The following SLC25A26 variants were observed in gnomAD, a reference collection of about 807,000 sequenced individuals.
SLC25A26 encodes the protein mitochondrial S-adenosylmethionine carrier protein.
Under a neutral mutation model 37.8 loss-of-function variants are expected in SLC25A26, and 36 were observed. That is an observed-to-expected ratio of 0.95 (90% CI 0.73 to 1.26). The LOEUF (loss-of-function observed/expected upper bound fraction) is 1.26, where lower values mean the gene tolerates loss of function less well. Among genes scored for constraint, SLC25A26 ranks in the 50% most tolerant of loss-of-function variants. The pLI is 0.00. For synonymous variants in SLC25A26, 129 were observed against 122.5 expected, an observed-to-expected ratio of 1.05 and a Z score of -0.35; for missense variants, 390 against 331.1, an observed-to-expected ratio of 1.18 and a Z score of -1.38.
chr3:66,146,339 C>CAA (rs749935106), intron 1 of SLC25A26, among the ~76,000 whole-genome samples: 2 of 111,078 alleles, frequency 1.8e-5, no homozygotes, highest in African/African-American at 3.3e-5. Context: ...GATTCAGTCT[C>CAA]AAAAAAAAAA....
At position 66,358,246 on chromosome 3, in the gene SLC25A26, C is replaced by T. The variant is rs777885471; in HGVS notation, c.499-4614C>T. Among the ~76,000 whole-genome samples the T allele has an allele frequency of 9.9e-5, 15 of 152,198 alleles. No homozygotes were observed. In the East Asian group the frequency reaches 1.4e-3, roughly 14 times the overall value. On this transcript the variant is annotated intron_variant, in intron 6 of 9. Coordinates refer to ENST00000354883, the MANE Select transcript of SLC25A26 (RefSeq NM_001379210.1). ...ATTTCCATAATTTATGTATTTTTTA[C>T]GAGTCACTTTCTGATTATTGTTGTT...
At chr3:66,248,034 TGATA>T (rs2072926552) in intron 3 of SLC25A26, among the ~76,000 whole-genome samples, 1 of 152,238 alleles carries the variant, frequency 6.6e-6, no homozygotes, top group Non-Finnish European at 1.5e-5. Context: ...ACATTTGCTT[TGATA>T]GATTATTATG....
chr3:66,189,857 G>T (rs2070903317), intron 1 of SLC25A26, among the ~76,000 whole-genome samples: 1 of 151,908 alleles, frequency 6.6e-6, no homozygotes, highest in Admixed American at 6.6e-5. Flanking sequence ...TAGAGACAAG[G>T]TCTTACCATG....
chr3:66,246,500 T>A (rs926477977), intron 3 of SLC25A26, among the ~76,000 whole-genome samples: 4 of 152,332 alleles, frequency 2.6e-5, no homozygotes, highest in Admixed American at 6.5e-5. Context: ...CTAATATTTT[T>A]AAAAAATTGG....
At chr3:66,210,403 G>A (rs1242849144) in intron 1 of SLC25A26, among the ~76,000 whole-genome samples, 1 of 152,090 alleles carries the variant, frequency 6.6e-6, no homozygotes, top group Admixed American at 6.6e-5. Flanking sequence ...GGAAAAGACA[G>A]TCTCCCTTAG....
intron 1 of SLC25A26, among the ~76,000 whole-genome samples, chr3:66,200,539 T>C (rs2071096000): frequency 6.6e-6 from 1 of 152,348 alleles, no homozygotes; most frequent in Admixed American, 6.5e-5. Context: ...TTACTGCTTA[T>C]TGTGGTTGCT....
intron 3 of SLC25A26, among the ~76,000 whole-genome samples, chr3:66,258,937 C>T (rs937976785): frequency 1.3e-5 from 2 of 151,134 alleles, no homozygotes; most frequent in African/African-American, 2.4e-5. Context: ...TACAGAACAT[C>T]TCAGTTGTAC....
intron 1 of SLC25A26, among the ~76,000 whole-genome samples, chr3:66,194,164 G>C (rs1423873333): frequency 6.6e-6 from 1 of 152,176 alleles, no homozygotes; most frequent in Non-Finnish European, 1.5e-5. Flanking sequence ...AGGAATCAAA[G>C]CCTCTATGCC....
chr3:66,173,126 G>A (rs1005833069), intron 1 of SLC25A26, among the ~76,000 whole-genome samples: 7 of 152,132 alleles, frequency 4.6e-5, no homozygotes, highest in African/African-American at 1.7e-4. Flanking sequence ...AAGCTACCAG[G>A]AGCTCCATAA....
intron 5 of SLC25A26, among the ~76,000 whole-genome samples, chr3:66,292,429 C>G (rs2074744738): frequency 6.6e-6 from 1 of 152,148 alleles, no homozygotes; most frequent in South Asian, 2.1e-4. Context: ...TTTGCAGTGG[C>G]TGGTACCAGT....
intron 1 of SLC25A26, among the ~76,000 whole-genome samples, chr3:66,194,958 C>G (rs1450355018): frequency 6.6e-6 from 1 of 152,174 alleles, no homozygotes; most frequent in Non-Finnish European, 1.5e-5. Context: ...GGGTCCCCAC[C>G]CAGCCACTCA....
At chr3:66,177,846 A>G (rs945832023) in intron 1 of SLC25A26, among the ~76,000 whole-genome samples, 3 of 152,178 alleles carry the variant, frequency 2.0e-5, no homozygotes, top group Non-Finnish European at 4.4e-5. Context: ...TTGAACTGTA[A>G]TCTGGTATAG....
intron 1 of SLC25A26, among the ~76,000 whole-genome samples, chr3:66,176,353 C>A (rs903547137): frequency 1.3e-5 from 2 of 152,124 alleles, no homozygotes; most frequent in African/African-American, 4.8e-5. Flanking sequence ...GAATGATGAA[C>A]GCTCTTGTAG....
intron 1 of SLC25A26, among the ~76,000 whole-genome samples, chr3:66,180,325 C>A (rs2070677304): frequency 6.6e-6 from 1 of 152,188 alleles, no homozygotes; most frequent in African/African-American, 2.4e-5. Flanking sequence ...ACCCCAACCC[C>A]TACCACATGG....
intron 5 of SLC25A26, among the ~76,000 whole-genome samples, chr3:66,319,134 A>G (rs1263350679): frequency 6.6e-6 from 1 of 152,352 alleles, no homozygotes; most frequent in East Asian, 1.9e-4. Flanking sequence ...AGGAGTTAGC[A>G]TCACTTAAAT....
intron 5 of SLC25A26, among the ~76,000 whole-genome samples, chr3:66,269,715 A>G (rs541592224): frequency 6.6e-4 from 101 of 152,266 alleles, no homozygotes; most frequent in African/African-American, 2.2e-3. Context: ...TCATGATTGT[A>G]AAAGAGAAAA....
At chr3:66,287,899 T>G (rs1428324137) in intron 5 of SLC25A26, among the ~76,000 whole-genome samples, 1 of 152,242 alleles carries the variant, frequency 6.6e-6, no homozygotes, top group African/African-American at 2.4e-5. Flanking sequence ...GAGGACAGAT[T>G]ATAGAAATTT....
chr3:66,247,183 A>G (rs1472303225), intron 3 of SLC25A26, among the ~76,000 whole-genome samples: 1 of 152,064 alleles, frequency 6.6e-6, no homozygotes, highest in Admixed American at 6.6e-5. Context: ...TCTTAAGAGG[A>G]CAATTGGTCA....
intron 3 of SLC25A26, among the ~76,000 whole-genome samples, chr3:66,261,132 C>T (rs1576738996): frequency 6.6e-6 from 1 of 152,264 alleles, no homozygotes; most frequent in East Asian, 1.9e-4. Context: ...TTCCCGAGTG[C>T]CATAACTTTC....
Sources: allele counts gnomAD v4.1 joint callset (sites outside exome capture counted in the v4.1 genomes callset), GRCh38; gene constraint gnomAD v4.1.1; transcripts MANE v1.5; gene names NCBI Gene and HGNC (gene_info 2026-07-23, HGNC 2026-07-21).